CNTNAP2: variants seen among roughly 807,000 people sequenced by gnomAD.
CNTNAP2 encodes the protein contactin associated protein 2.
Under a neutral mutation model 155.2 loss-of-function variants are expected in CNTNAP2, and 98 were observed. The observed-to-expected ratio is 0.63, with a 90% confidence interval of 0.54 to 0.75. The LOEUF (loss-of-function observed/expected upper bound fraction) is 0.75, where lower values mean the gene tolerates loss of function less well. Among genes scored for constraint, CNTNAP2 ranks in the 30% least tolerant of loss-of-function variants. CNTNAP2 has a pLI of 0.00. For missense variants in CNTNAP2, 1,727 were observed against 1,688.1 expected (o/e 1.02, Z -0.40); for synonymous variants, 651 against 631.2 (o/e 1.03, Z -0.47).
chr7:147,751,080 TTAAA>T (rs1162252985), intron 13 of CNTNAP2, among the ~76,000 whole-genome samples: 1 of 147,020 alleles, frequency 6.8e-6, no homozygotes, highest in Admixed American at 7.9e-5. Flanking sequence ...ATAAAATAAA[TTAAA>T]AAAAATTTCC....
At chr7:146,700,751 CTTAG>C (rs1800862931) in intron 1 of CNTNAP2, among the ~76,000 whole-genome samples, 1 of 151,990 alleles carries the variant, frequency 6.6e-6, no homozygotes, top group African/African-American at 2.4e-5. Context: ...TCAAAATGTC[CTTAG>C]TTAGCTCTGC....
At chr7:147,622,935 T>A (rs1194904254) in intron 12 of CNTNAP2, among the ~76,000 whole-genome samples, 2 of 151,984 alleles carry the variant, frequency 1.3e-5, no homozygotes, top group Admixed American at 6.6e-5. Flanking sequence ...AAGGAGACAT[T>A]ACAACTGATA....
chr7:146,876,902 G>C (rs1232844541), intron 3 of CNTNAP2, among the ~76,000 whole-genome samples: 2 of 152,104 alleles, frequency 1.3e-5, no homozygotes, highest in Admixed American at 1.3e-4. Context: ...TTCTAGATTA[G>C]ATAATTAAGT....
chr7:148,324,138 G>A (rs1385942758), intron 21 of CNTNAP2, among the ~76,000 whole-genome samples: 2 of 151,906 alleles, frequency 1.3e-5, no homozygotes. Context: ...ACCCACTTCG[G>A]CCCCCCAAAG....
rs553907181 is a variant in CNTNAP2, at chr7:147,941,099, C to A, written c.2256-36763C>A. On this transcript the variant is annotated intron_variant, in intron 14 of 23. Transcript: ENST00000361727. Reference sequence around the variant, plus strand: ...TGATGTGCTCTGATGTGGCCACAGTCTGGCGCTGAGAGTAGCTCCAACATG... The same window carrying A: ...TGATGTGCTCTGATGTGGCCACAGTATGGCGCTGAGAGTAGCTCCAACATG... 6.6e-5 allele frequency among the ~76,000 whole-genome samples: 10 copies of A among 152,270 alleles called. 1 individual carries two copies. The South Asian group carries it at 1.7e-3, about 25-fold the overall frequency.
intron 1 of CNTNAP2, among the ~76,000 whole-genome samples, chr7:146,425,283 A>G (rs943775769): frequency 7.9e-5 from 12 of 152,112 alleles, no homozygotes; most frequent in African/African-American, 2.9e-4. Flanking sequence ...TTTTTTGATG[A>G]GTATAAAACC....
chr7:146,467,472 A>C (rs544790417), intron 1 of CNTNAP2, among the ~76,000 whole-genome samples: 13 of 152,270 alleles, frequency 8.5e-5, no homozygotes, highest in Non-Finnish European at 1.5e-4. Flanking sequence ...TGTCATTTCA[A>C]TTGATCATTC....
At chr7:147,727,122 GA>G (rs1196526746) in intron 13 of CNTNAP2, among the ~76,000 whole-genome samples, 1 of 151,846 alleles carries the variant, frequency 6.6e-6, no homozygotes, top group Non-Finnish European at 1.5e-5. Flanking sequence ...CTGGAAAAAT[GA>G]CAAAAGAAGA....
intron 8 of CNTNAP2, among the ~76,000 whole-genome samples, chr7:147,153,730 A>G (rs948697963): frequency 4.6e-5 from 7 of 152,150 alleles, no homozygotes; most frequent in Non-Finnish European, 8.8e-5. Context: ...GCTGACTTTC[A>G]CTCTTCATGA....
intron 4 of CNTNAP2, among the ~76,000 whole-genome samples, chr7:147,080,702 A>T (rs958377533): frequency 2.7e-5 from 4 of 147,706 alleles, no homozygotes; most frequent in African/African-American, 9.8e-5. Flanking sequence ...ATATAAAATA[A>T]ATATATATAA....
At chr7:146,773,218 A>T (rs908334318) in intron 1 of CNTNAP2, among the ~76,000 whole-genome samples, 4 of 152,198 alleles carry the variant, frequency 2.6e-5, no homozygotes, top group Admixed American at 6.5e-5. Flanking sequence ...AAAGAGAAAA[A>T]AAAATCTTAA....
At chr7:147,835,538 C>T (rs1309802062) in intron 13 of CNTNAP2, among the ~76,000 whole-genome samples, 2 of 151,926 alleles carry the variant, frequency 1.3e-5, no homozygotes, top group Non-Finnish European at 2.9e-5. Context: ...AGGTTAATAC[C>T]CTAAGAAATA....
chr7:146,733,549 G>C (rs1801562907), intron 1 of CNTNAP2, among the ~76,000 whole-genome samples: 1 of 151,986 alleles, frequency 6.6e-6, no homozygotes, highest in Non-Finnish European at 1.5e-5. Context: ...GTTTGAACTA[G>C]TACAGTCTCA....
At chr7:147,217,063 A>G (rs1803283491) in intron 8 of CNTNAP2, among the ~76,000 whole-genome samples, 1 of 151,932 alleles carries the variant, frequency 6.6e-6, no homozygotes, top group African/African-American at 2.4e-5. Context: ...TAATTCCAGG[A>G]GGATTTTTGT....
chr7:146,465,399 G>A (rs1796703271), intron 1 of CNTNAP2, among the ~76,000 whole-genome samples: 1 of 152,130 alleles, frequency 6.6e-6, no homozygotes, highest in Non-Finnish European at 1.5e-5. Flanking sequence ...AACCTACCCA[G>A]CTGTGGGTCT....
chr7:146,720,969 A>T (rs1465989553), intron 1 of CNTNAP2, among the ~76,000 whole-genome samples: 1 of 123,194 alleles, frequency 8.1e-6, no homozygotes, highest in Non-Finnish European at 1.6e-5. Flanking sequence ...TATACAGTAT[A>T]TATATAGACT....
Position 148,045,688 on chromosome 7 carries a change from G to A in CNTNAP2, c.2383+67699G>A, listed in dbSNP as rs748202181. Among the ~76,000 whole-genome samples the A allele has an allele frequency of 7.9e-5, 12 of 152,216 alleles. 1 individual carries two copies. Among genetic ancestry groups the A allele is most frequent in the Non-Finnish European group, 1.5e-4 (10 of 68,040 alleles). ...GGCTGCCTTCCAGTGAATATTTACT[G>A]AGCGTCTAGCTTATTTGAGAAACCA... On this transcript the variant is annotated intron_variant, in intron 15 of 23. Coordinates refer to ENST00000361727, the MANE Select transcript of CNTNAP2 (RefSeq NM_014141.6).
intron 11 of CNTNAP2, among the ~76,000 whole-genome samples, chr7:147,541,452 G>A (rs1799637234): frequency 6.6e-6 from 1 of 152,084 alleles, no homozygotes; most frequent in Non-Finnish European, 1.5e-5. Context: ...TCAAACAGCT[G>A]TTGTTGTTGT....
At chr7:146,659,383 A>G (rs1180648131) in intron 1 of CNTNAP2, among the ~76,000 whole-genome samples, 1 of 152,206 alleles carries the variant, frequency 6.6e-6, no homozygotes, top group African/African-American at 2.4e-5. Context: ...GCAATAGATG[A>G]TAGAAGTTAT....
Sources: allele counts gnomAD v4.1 joint callset (sites outside exome capture counted in the v4.1 genomes callset), GRCh38; gene constraint gnomAD v4.1.1; transcripts MANE v1.5; gene names NCBI Gene and HGNC (gene_info 2026-07-23, HGNC 2026-07-21).